Variants in WDR17 observed in about 807,000 individuals in gnomAD.
WDR17 encodes the protein WD repeat domain 17.
Under a neutral mutation model 161.7 loss-of-function variants are expected in WDR17, and 143 were observed. The ratio of observed to expected loss-of-function variants is 0.88; its 90% CI spans 0.77 to 1.02. WDR17 has a LOEUF of 1.02. Among genes scored for constraint, WDR17 ranks in the 50% least tolerant of loss-of-function variants. The pLI is 0.00. For missense variants in WDR17, 1,469 were observed against 1,520.9 expected (o/e 0.97, Z 0.57); for synonymous variants, 517 against 515.6 (o/e 1.00, Z -0.04).
chr4:176,158,629 G>A (rs769399189), intron 18 of WDR17, among the ~76,000 whole-genome samples: 1 of 152,182 alleles, frequency 6.6e-6, no homozygotes, highest in East Asian at 1.9e-4. Flanking sequence ...GGATCACATG[G>A]AGGTTATTGT....
At chr4:176,176,943 G>C (rs895704825) in intron 26 of WDR17, 115 bp from the exon 27 acceptor site, 1 of 678,302 alleles carries the variant, frequency 1.5e-6, no homozygotes, top group African/African-American at 1.8e-5. Context: ...TATATATAAC[G>C]TATAATGTCT....
intron 22 of WDR17, chr4:176,166,194 C>A: frequency 1.7e-6 from 1 of 598,392 alleles, no homozygotes; most frequent in Non-Finnish European, 2.7e-6. Context: ...TGTATATACT[C>A]CTTTATTTTA....
At chr4:176,092,293 CA>C (rs895113491) in intron 1 of WDR17, among the ~76,000 whole-genome samples, 3 of 152,122 alleles carry the variant, frequency 2.0e-5, no homozygotes, top group Admixed American at 2.0e-4. Flanking sequence ...GATGGTTCAA[CA>C]TATGCAAATC....
chr4:176,167,534 T>C (rs890047018), intron 22 of WDR17, among the ~76,000 whole-genome samples: 4 of 147,680 alleles, frequency 2.7e-5, no homozygotes, highest in Non-Finnish European at 6.0e-5. Flanking sequence ...TAGTCCCAGC[T>C]ACTCGGGAGG....
chr4:176,072,256 A>G (rs1240448986), intron 1 of WDR17, among the ~76,000 whole-genome samples: 2 of 152,236 alleles, frequency 1.3e-5, no homozygotes, highest in African/African-American at 4.8e-5. Context: ...AATCTCAGAC[A>G]GTAGAAGATA....
At chr4:176,079,200 A>G (rs1310600399) in intron 1 of WDR17, among the ~76,000 whole-genome samples, 1 of 152,106 alleles carries the variant, frequency 6.6e-6, no homozygotes, top group Non-Finnish European at 1.5e-5. Context: ...GAATGGCAGC[A>G]TTTTATTTTT....
At chr4:176,168,530 A>G in intron 22 of WDR17, 142 bp from the exon 23 acceptor site, 1 of 886,540 alleles carries the variant, frequency 1.1e-6, no homozygotes, top group Non-Finnish European at 1.7e-6. Context: ...TAGTTTCATA[A>G]TTAAGTAGGC....
intron 26 of WDR17, among the ~76,000 whole-genome samples, chr4:176,176,102 A>G (rs1751420753): frequency 6.6e-6 from 1 of 152,226 alleles, no homozygotes; most frequent in Admixed American, 6.5e-5. Context: ...GCAGTAGGAT[A>G]TATCACATAG....
intron 1 of WDR17, chr4:176,096,385 C>T (rs74983969): frequency 0.013 from 7,407 of 563,082 alleles, 77 homozygotes; most frequent in Non-Finnish European, 0.018. Context: ...GCAGTTCTAG[C>T]CTTTTGTACT....
Position 176,162,074 on chromosome 4 carries a change from GA to G in WDR17, c.2751del (p.Glu917AspfsTer22), listed in dbSNP as rs1749112592. The G allele has an allele frequency of 1.2e-6, 2 of 1,606,232 alleles. No homozygotes were observed. Among genetic ancestry groups the G allele is most frequent in the South Asian group, 2.2e-5 (2 of 89,480 alleles). ...SDDIYKEDFN[E>X]LLHKVSKELA... ...TAGAATACACATTTTTTTCTTTCTA[GA>G]CTCCTGCACAAAGTCAGTAAAGAAC... On this transcript the variant is annotated frameshift_variant and splice_region_variant, in exon 21 of 29. Transcript: ENST00000508596. LOFTEE classifies it high-confidence loss of function.
chr4:176,104,997 G>C (rs1467535601), intron 1 of WDR17, among the ~76,000 whole-genome samples: 1 of 151,592 alleles, frequency 6.6e-6, no homozygotes, highest in African/African-American at 2.4e-5. Flanking sequence ...ATTCACTTGA[G>C]ATCCAAAGAC....
chr4:176,168,746 C>G lies in WDR17; in HGVS notation c.3065C>G (p.Pro1022Arg). The change falls in exon 23 of 29, where the codon CCA (proline) becomes CGA (arginine). Residue 1022 changes from proline to arginine, a missense_variant. Coordinates refer to ENST00000508596, the MANE Select transcript of WDR17 (RefSeq NM_181265.4). ...LHLIKLCAFY[P>R]GCTEEINDLH... Reference sequence around the variant, plus strand: ...TTAATAAAACTCTGTGCTTTCTACCCAGGATGTACTGAAGAGATAAATGAC... The same window carrying G: ...TTAATAAAACTCTGTGCTTTCTACCGAGGATGTACTGAAGAGATAAATGAC... 6.2e-7 allele frequency: 1 copy of G among 1,613,036 alleles called. No individual in the cohort carries two copies. The highest frequency in any genetic ancestry group is 8.5e-7 in the Non-Finnish European group (1 of 1,179,580).
intron 22 of WDR17, among the ~76,000 whole-genome samples, chr4:176,167,860 A>G (rs1326990170): frequency 6.6e-6 from 1 of 151,914 alleles, no homozygotes; most frequent in African/African-American, 2.4e-5. Context: ...TTTAATAAGT[A>G]AATAGGCCGG....
intron 21 of WDR17, 105 bp downstream of exon 21, chr4:176,162,279 C>A (rs932798640): frequency 1.8e-5 from 17 of 969,404 alleles, no homozygotes; most frequent in South Asian, 6.5e-5. Context: ...TCTGGTTTTG[C>A]ATGTCTTCGA....
intron 10 of WDR17, among the ~76,000 whole-genome samples, chr4:176,140,658 T>G (rs1391570917): frequency 2.0e-5 from 3 of 152,118 alleles, no homozygotes; most frequent in African/African-American, 7.2e-5. Context: ...GTATAGACAC[T>G]CATAGTTCTT....
At chr4:176,132,010 G>A (rs1743544076) in intron 7 of WDR17, among the ~76,000 whole-genome samples, 1 of 151,980 alleles carries the variant, frequency 6.6e-6, no homozygotes, top group Non-Finnish European at 1.5e-5. Context: ...TATTTTGGAA[G>A]CAAAATGAGA....
At chr4:176,117,800 A>G (rs530776253) in intron 3 of WDR17, among the ~76,000 whole-genome samples, 1 of 152,236 alleles carries the variant, frequency 6.6e-6, no homozygotes, top group South Asian at 2.1e-4. Context: ...TGTCTTCTTA[A>G]TTTGAAGATT....
At chr4:176,146,228 A>G (rs1043827039) in intron 12 of WDR17, 69 bp downstream of exon 12, 5 of 1,501,432 alleles carry the variant, frequency 3.3e-6, no homozygotes, top group African/African-American at 2.8e-5. Context: ...AGAAATGTAC[A>G]TATTTATAGG....
intron 26 of WDR17, among the ~76,000 whole-genome samples, chr4:176,175,686 T>C (rs1469707980): frequency 6.6e-6 from 1 of 151,356 alleles, no homozygotes; most frequent in Non-Finnish European, 1.5e-5. Flanking sequence ...GCCTCCCGAG[T>C]AGCTGGGACT....
Sources: gnomAD v4.1 joint callset for allele counts (sites outside exome capture counted in the v4.1 genomes callset) on GRCh38, gnomAD v4.1.1 for gene constraint, MANE v1.5 for transcripts, NCBI Gene and HGNC (gene_info 2026-07-23, HGNC 2026-07-21) for gene names.